FAM228B: variants seen among roughly 807,000 people sequenced by gnomAD.
FAM228B encodes protein FAM228B.
In FAM228B, 38 loss-of-function variants were observed where a neutral mutation model predicts 42.6. The observed-to-expected ratio is 0.89, with a 90% CI of 0.69 to 1.17. The LOEUF is 1.17. Among genes scored for constraint, FAM228B ranks in the 50% most tolerant of loss-of-function variants. The pLI, the probability that FAM228B is intolerant of heterozygous loss-of-function variation, is 0.00. For synonymous variants in FAM228B, 109 were observed against 122.3 expected, an observed-to-expected ratio of 0.89 and a Z score of 0.72; for missense variants, 344 against 367.3, an observed-to-expected ratio of 0.94 and a Z score of 0.52.
chr2:24,109,311 A>G (rs1023867429), intron 3 of FAM228B, among the ~76,000 whole-genome samples: 5 of 152,192 alleles, frequency 3.3e-5, no homozygotes, highest in African/African-American at 1.2e-4. Context: ...TGGATTAAAG[A>G]CTTATGTGTA....
rs1406102680 is a variant in FAM228B at position 24,084,361 on chromosome 2, C to T, written c.-210+3406C>T. 1 of 1,345,730 alleles carries T rather than the reference C, an allele frequency of 7.4e-7. No individual in the cohort carries two copies. Among genetic ancestry groups the T allele is most frequent in the South Asian group, 1.4e-5 (1 of 69,412 alleles). 83.4% of individuals were successfully genotyped at this position (1,345,730 alleles called of 1,614,324 possible). The stretch of plus-strand genomic sequence containing the variant: ...GGACACAGGGCAGGGCAGGGCAGGA[C>T]AGGACAGGGCAGGGCAGGGCAGGAC... On this transcript the variant is annotated intron_variant, in intron 2 of 10. Transcript: ENST00000613899. The surrounding 1 kb of genome is among the most constrained non-coding windows in gnomAD (Gnocchi z 8.4).
intron 2 of FAM228B, among the ~76,000 whole-genome samples, chr2:24,083,474 C>G (rs972819765): frequency 1.3e-5 from 2 of 152,110 alleles, no homozygotes; most frequent in Non-Finnish European, 2.9e-5. Context: ...ACGATGGTTC[C>G]CATGCATCAA....
intron 2 of FAM228B, among the ~76,000 whole-genome samples, chr2:24,083,804 G>T (rs1340264806): frequency 1.3e-5 from 2 of 152,234 alleles, no homozygotes; most frequent in East Asian, 3.9e-4. Flanking sequence ...TTGAATCCCA[G>T]CTCTTCTGAT....
upstream of FAM228B, chr2:24,123,281 C>CAAGG (rs1666184076): frequency 6.6e-6 from 1 of 152,350 alleles, no homozygotes; most frequent in South Asian, 2.1e-4. Context: ...ACCCGGCGAC[C>CAAGG]AAGGACCCGA....
intron 3 of FAM228B, among the ~76,000 whole-genome samples, chr2:24,112,166 G>C (rs7596820): frequency 0.16 from 24,414 of 152,076 alleles, 2,126 homozygotes; most frequent in South Asian, 0.21. Context: ...AGGTCTCATA[G>C]CATCATGCTA....
At chr2:24,090,867 T>C (rs1386913369) in intron 2 of FAM228B, among the ~76,000 whole-genome samples, 1 of 152,198 alleles carries the variant, frequency 6.6e-6, no homozygotes, top group African/African-American at 2.4e-5. Flanking sequence ...CACAGCTCAC[T>C]GCAGCCTTGA....
intron 7 of FAM228B, among the ~76,000 whole-genome samples, chr2:24,150,172 T>G (rs1372708434): frequency 6.6e-6 from 1 of 152,224 alleles, no homozygotes; most frequent in African/African-American, 2.4e-5. Context: ...TGCTTTTCTC[T>G]GTGCTTACTA....
At chr2:24,093,832 T>C (rs1429987053) in intron 2 of FAM228B, among the ~76,000 whole-genome samples, 2 of 152,050 alleles carry the variant, frequency 1.3e-5, no homozygotes, top group African/African-American at 4.8e-5. Context: ...TTGGCCAGGC[T>C]GGTCTTGAAC....
chr2:24,094,937 AC>A (rs1428299989), intron 2 of FAM228B, among the ~76,000 whole-genome samples: 1 of 152,128 alleles, frequency 6.6e-6, no homozygotes. Flanking sequence ...TACTAAAAAT[AC>A]CAAAAAAATT....
upstream of FAM228B, chr2:24,122,416 T>G: frequency 6.2e-7 from 1 of 1,604,174 alleles, no homozygotes. Context: ...TGTTTTTTCT[T>G]ACATTGAAAC....
chr2:24,079,628 T>A (rs770536361), intron 1 of FAM228B: 1 of 1,614,120 alleles, frequency 6.2e-7, no homozygotes, highest in South Asian at 1.1e-5. Flanking sequence ...TAGAATAAGA[T>A]TAACTCCAGC....
At chr2:24,149,263 G>A (rs1040978056) in intron 7 of FAM228B, among the ~76,000 whole-genome samples, 7 of 152,128 alleles carry the variant, frequency 4.6e-5, no homozygotes, top group East Asian at 3.8e-4. Context: ...GCTGAATCAC[G>A]TGGTAGGTCT....
At chr2:24,101,623 T>C (rs149659545) in intron 3 of FAM228B, among the ~76,000 whole-genome samples, 178 of 152,290 alleles carry the variant, frequency 1.2e-3, no homozygotes, top group African/African-American at 4.1e-3. Context: ...TATTACTTAT[T>C]GCTAGAATTG....
At chr2:24,132,898 G>A (rs1196189885) in intron 2 of FAM228B, among the ~76,000 whole-genome samples, 2 of 152,154 alleles carry the variant, frequency 1.3e-5, no homozygotes, top group Non-Finnish European at 2.9e-5. Context: ...TTTATCTTAA[G>A]CTGGGCTACA....
chr2:24,085,380 A>G (rs1375732585), intron 2 of FAM228B, among the ~76,000 whole-genome samples: 18 of 152,220 alleles, frequency 1.2e-4, no homozygotes, highest in South Asian at 2.1e-4. Context: ...TCTCGGCGCT[A>G]TTGACATTTT....
rs932449052 is a variant in FAM228B, at chr2:24,169,383, T to A, written c.*42T>A. The A allele has an allele frequency of 4.3e-6, 2 of 466,720 alleles. No individual in the cohort carries two copies. The highest frequency in any genetic ancestry group is 8.9e-6 in the Non-Finnish European group (2 of 223,674). The allele number at this position is 466,720 out of a possible 1,614,324, so 28.9% of individuals were successfully genotyped here. ...TTCAGCAACCAAGGAGCACACACCC[T>A]GATCCTTGATTGGTGAAAGGATACA... On this transcript the variant is annotated 3_prime_UTR_variant, in exon 11 of 11. Transcript: ENST00000615575. This position sits in a 1 kb window ranked among gnomAD's most constrained non-coding sequence, Gnocchi z 4.2.
intron 8 of FAM228B, among the ~76,000 whole-genome samples, chr2:24,163,184 A>G (rs1238167665): frequency 6.6e-6 from 1 of 152,222 alleles, no homozygotes; most frequent in Non-Finnish European, 1.5e-5. Flanking sequence ...CTGTTCCTAA[A>G]AAGTGCCCGA....
intron 2 of FAM228B, chr2:24,083,045 G>A (rs1304575435): frequency 9.3e-6 from 15 of 1,613,994 alleles, no homozygotes; most frequent in East Asian, 4.5e-5. Context: ...CTGTGTCCCC[G>A]ATCTTCCAGT....
chr2:24,113,387 A>G (rs967346917), intron 3 of FAM228B, among the ~76,000 whole-genome samples: 6 of 152,178 alleles, frequency 3.9e-5, no homozygotes, highest in Admixed American at 2.0e-4. Context: ...AGCCTGTGCA[A>G]CATGGTGAGA....
Sources: gnomAD v4.1 joint callset for allele counts (sites outside exome capture counted in the v4.1 genomes callset) on GRCh38, gnomAD v4.1.1 for gene constraint, Gnocchi (gnomAD v3.1) non-coding constraint, MANE v1.5 for transcripts, NCBI Gene and HGNC (gene_info 2026-07-23, HGNC 2026-07-21) for gene names.